The following JAK1 variants were observed in gnomAD, a reference collection of about 807,000 sequenced individuals.
JAK1 encodes tyrosine-protein kinase JAK1.
JAK1 carries 16 observed loss-of-function variants against 136.6 expected under a neutral mutation model. The ratio of observed to expected loss-of-function variants is 0.12; its 90% CI spans 0.08 to 0.18. JAK1 has a LOEUF of 0.18. Among genes scored for constraint, JAK1 ranks in the 10% least tolerant of loss-of-function variants. JAK1 has a pLI of 1.00. For synonymous variants in JAK1, 492 were observed against 519.5 expected (o/e 0.95, Z 0.72); for missense variants, 859 against 1,450.1 (o/e 0.59, Z 6.62).
In JAK1 at chr1:64,839,766, C is replaced by G. The variant is rs778030565; in HGVS notation, c.2679G>C (p.Arg893Ser). The part of the protein sequence containing the change: ...EGHFGKVELC[R>S]YDPEGDNTGE... Reference sequence around the variant, plus strand: ...CTGTATTGTCCCCTTCGGGGTCATACCTGCAGAGCTCAACCTTCCCAAAGT... The same window carrying G: ...CTGTATTGTCCCCTTCGGGGTCATAGCTGCAGAGCTCAACCTTCCCAAAGT... The change falls in exon 20 of 25, where the codon AGG becomes AGC. Residue 893 changes from arginine to serine, a missense_variant. Physicochemically the swap from Arg to Ser is moderately radical, Grantham distance 110 (BLOSUM62 -1). This residue lies in a region of JAK1 where 409 missense variants were observed against 753.8 expected (regional missense o/e 0.54). Transcript: ENST00000342505. The G allele has an allele frequency of 1.2e-6, 2 of 1,612,290 alleles. No homozygotes were observed. The highest frequency in any genetic ancestry group is 2.2e-5 in the South Asian group (2 of 90,692).
chr1:64,981,669 C>A (rs1453087020), intron 2 of JAK1, among the ~76,000 whole-genome samples: 1 of 152,190 alleles, frequency 6.6e-6, no homozygotes, highest in East Asian at 1.9e-4. Flanking sequence ...CAATGAGGAC[C>A]TGGAAAGGAC....
At chr1:64,923,265 C>T (rs1254233999) in intron 1 of JAK1, among the ~76,000 whole-genome samples, 1 of 152,148 alleles carries the variant, frequency 6.6e-6, no homozygotes, top group East Asian at 1.9e-4. Context: ...GGTCCTAACA[C>T]CTATCTGTTT....
At chr1:64,836,872 TTTAAA>T (rs887111746) in intron 22 of JAK1, among the ~76,000 whole-genome samples, 1 of 152,162 alleles carries the variant, frequency 6.6e-6, no homozygotes, top group African/African-American at 2.4e-5. Context: ...TGGTGGTCTT[TTTAAA>T]ACAAAGTCTC....
At chr1:64,926,541 C>A (rs1645586139) in intron 1 of JAK1, among the ~76,000 whole-genome samples, 2 of 152,082 alleles carry the variant, frequency 1.3e-5, no homozygotes, top group African/African-American at 2.4e-5. Context: ...TCCTAATGCA[C>A]CCCTGTATTT....
At chr1:64,837,857 T>C (rs2100943131) in intron 22 of JAK1, 75 bp downstream of exon 22, 1 of 1,264,328 alleles carries the variant, frequency 7.9e-7, no homozygotes, top group Non-Finnish European at 1.1e-6. Flanking sequence ...CACATTAATA[T>C]AGCCAGAAAG....
rs558799908 is a variant in JAK1 at position 64,953,897 on chromosome 1, A to G, written c.-78+12436T>C. Among the ~76,000 whole-genome samples the G allele has an allele frequency of 2.0e-5, 3 of 151,562 alleles. No individual in the cohort carries two copies. In the East Asian group the frequency reaches 5.8e-4, roughly 29 times the overall value. ...ACTGTGTTGGCCAGGCTGGTCTTGAACTCCTGACCTCAAGTGATCTGCCTG... is the reference window on the plus strand; with the variant it reads ...ACTGTGTTGGCCAGGCTGGTCTTGAGCTCCTGACCTCAAGTGATCTGCCTG... On this transcript the variant is annotated intron_variant, in intron 1 of 24. Coordinates refer to ENST00000342505, the MANE Select transcript of JAK1 (RefSeq NM_002227.4).
intron 1 of JAK1, among the ~76,000 whole-genome samples, chr1:64,907,148 G>C (rs1320096521): frequency 1.3e-5 from 2 of 152,152 alleles, no homozygotes; most frequent in African/African-American, 4.8e-5. Flanking sequence ...TGCTTCCACA[G>C]CCTAATTCCA....
chr1:64,917,770 C>A (rs1645424996), intron 1 of JAK1, among the ~76,000 whole-genome samples: 1 of 152,166 alleles, frequency 6.6e-6, no homozygotes, highest in Non-Finnish European at 1.5e-5. Context: ...CAGGGTGGAG[C>A]AGCACATTCC....
intron 1 of JAK1, among the ~76,000 whole-genome samples, chr1:64,951,243 A>C (rs1646081138): frequency 1.3e-5 from 2 of 152,178 alleles, no homozygotes. Context: ...CTGGCTCCCA[A>C]ATACCTTTCA....
At chr1:65,024,689 A>G (rs1261034803) in intron 2 of JAK1, among the ~76,000 whole-genome samples, 1 of 151,480 alleles carries the variant, frequency 6.6e-6, no homozygotes, top group Non-Finnish European at 1.5e-5. Flanking sequence ...AAGAAAGAAA[A>G]AAAAAGGCTA....
intron 2 of JAK1, among the ~76,000 whole-genome samples, chr1:64,975,468 C>T (rs952002319): frequency 6.6e-6 from 1 of 152,182 alleles, no homozygotes; most frequent in African/African-American, 2.4e-5. Context: ...CATGCATGCT[C>T]AGGGAGCAGC....
intron 1 of JAK1, among the ~76,000 whole-genome samples, chr1:64,899,101 A>G (rs1399014801): frequency 6.6e-6 from 1 of 152,234 alleles, no homozygotes; most frequent in Non-Finnish European, 1.5e-5. Flanking sequence ...CTCAATCCTC[A>G]CAATAATTTG....
chr1:64,891,526 C>T (rs1437001874), intron 1 of JAK1, among the ~76,000 whole-genome samples: 1 of 152,232 alleles, frequency 6.6e-6, no homozygotes, highest in Non-Finnish European at 1.5e-5. Flanking sequence ...ACCACTGCCA[C>T]AGTGTGAGAG....
chr1:64,854,947 A>G (rs1655833925), intron 11 of JAK1, among the ~76,000 whole-genome samples: 1 of 152,194 alleles, frequency 6.6e-6, no homozygotes, highest in Admixed American at 6.5e-5. Flanking sequence ...TCCTCCAGGC[A>G]GCCCCCTGTG....
At chr1:64,947,622 C>CTT (rs34888082) in intron 1 of JAK1, among the ~76,000 whole-genome samples, 3,362 of 147,056 alleles carry the variant, frequency 0.023, 128 homozygotes, top group African/African-American at 0.077. Context: ...CCAATAAATC[C>CTT]TTTTTTTTTT....
chr1:64,998,403 A>C (rs1208896315), intron 2 of JAK1, among the ~76,000 whole-genome samples: 1 of 152,210 alleles, frequency 6.6e-6, no homozygotes, highest in Non-Finnish European at 1.5e-5. Context: ...TCTTTCATTG[A>C]GTACTACTTT....
chr1:64,999,735 T>TAA (rs77414910), intron 2 of JAK1, among the ~76,000 whole-genome samples: 10 of 130,282 alleles, frequency 7.7e-5, no homozygotes, highest in East Asian at 2.2e-4. Flanking sequence ...ACCCTCTCTT[T>TAA]AAAAAAAAAA....
intron 5 of JAK1, among the ~76,000 whole-genome samples, chr1:64,873,072 T>C (rs1657170386): frequency 6.6e-6 from 1 of 152,136 alleles, no homozygotes; most frequent in African/African-American, 2.4e-5. Context: ...CTCTGACCTC[T>C]GCACATAAGG....
At chr1:64,987,542 G>A (rs1240206543) in intron 2 of JAK1, 1 of 152,234 alleles carries the variant, frequency 6.6e-6, no homozygotes, top group East Asian at 1.9e-4. Context: ...GGTGTGGATG[G>A]TTAGGCAATC....
Sources: gnomAD v4.1 joint callset for allele counts (sites outside exome capture counted in the v4.1 genomes callset) on GRCh38, gnomAD v4.1.1 for gene constraint, gnomAD v4.1.1 regional missense constraint, MANE v1.5 for transcripts, NCBI Gene and HGNC (gene_info 2026-07-23, HGNC 2026-07-21) for gene names.